SLC6A8: variants seen among roughly 807,000 people sequenced by gnomAD.
SLC6A8 encodes solute carrier family 6 member 8, also known as sodium- and chloride-dependent creatine transporter 1.
In SLC6A8, 6 loss-of-function variants were observed where a neutral mutation model predicts 48.3. That is an observed-to-expected ratio of 0.12 (90% CI 0.07 to 0.25). SLC6A8 has a LOEUF of 0.25. Ranked by LOEUF, SLC6A8 falls within the 10% of genes least tolerant of loss-of-function variation. The probability of loss-of-function intolerance (pLI) is 1.00; values close to 1 mark genes in which losing one functional copy is unlikely to be tolerated. For synonymous variants in SLC6A8, 245 were observed against 244.0 expected, an observed-to-expected ratio of 1.00 and a Z score of -0.04; for missense variants, 260 against 551.5, an observed-to-expected ratio of 0.47 and a Z score of 5.29.
chrX:153,692,827 C>A lies in SLC6A8; in HGVS notation c.778-214C>A, dbSNP rs782378020. ...TGCTCCCCACCGACACGCGTCCCTG[C>A]AGACAAACGAGGCGCCCAGGGAGCT... On this transcript the variant is annotated intron_variant, in intron 4 of 12. Coordinates refer to ENST00000253122, the MANE Select transcript of SLC6A8 (RefSeq NM_005629.4). The A allele has an allele frequency of 2.2e-4, 110 of 502,897 alleles. No individual in the cohort carries two copies. The African/African-American group carries it at 2.4e-3, about 11-fold the overall frequency. 41.4% of individuals were successfully genotyped at this position (502,897 alleles called of 1,213,427 possible).
At chrX:153,693,807 C>A in intron 7 of SLC6A8, 98 bp from the exon 8 acceptor site, 4 of 824,737 alleles carry the variant, frequency 4.9e-6, no homozygotes, top group Non-Finnish European at 7.1e-6. Context: ...GCCTCTGAGG[C>A]AGGCGTGGGC....
rs1557045032 is a variant in SLC6A8 at position 153,693,243 on chromosome X, G to A, written c.913-20G>A. On this transcript the variant is annotated intron_variant, in intron 5 of 12. Transcript: ENST00000253122. ...AGCCCTGCAGGCCCCTCATGCCTGC[G>A]CTCTCCGGCCCTTCTCTAGGTGTGG... The A allele has an allele frequency of 1.2e-5, 14 of 1,206,269 alleles. No individual in the cohort carries two copies. The highest frequency in any genetic ancestry group is 5.2e-5 in the African/African-American group (3 of 57,407).
intron 4 of SLC6A8, chrX:153,692,629 C>T (rs2091462411): frequency 5.8e-6 from 2 of 342,507 alleles, no homozygotes; most frequent in Non-Finnish European, 1.1e-5. Context: ...CCACTCTCCA[C>T]CTGCTCAACC....
Position 153,695,294 on chromosome X carries a change from C to T in SLC6A8, c.*80C>T, listed in dbSNP as rs1232170287. On this transcript the variant is annotated 3_prime_UTR_variant, in exon 13 of 13. Transcript: ENST00000253122. ...AGCCCCACCGCACCCCTCCAGGGGG[C>T]CTGCCTTTCCCTGACACTTTTGGGG... The T allele has an allele frequency of 1.0e-6, 1 of 1,003,618 alleles. No homozygotes were observed. The highest frequency in any genetic ancestry group is 1.9e-5 in the African/African-American group (1 of 52,813). The allele number at this position is 1,003,618 out of a possible 1,213,427, so 82.7% of individuals were successfully genotyped here. A position where few individuals can be genotyped will look rare whatever the true frequency, so the allele number is the denominator to read the frequency against.
At chrX:153,690,785 TA>T (rs1557044254) in intron 2 of SLC6A8, 1 of 345,657 alleles carries the variant, frequency 2.9e-6, no homozygotes, top group African/African-American at 2.6e-5. Context: ...AGGTAGGTCC[TA>T]CTGTTACTAT....
intron 4 of SLC6A8, 71 bp from the exon 5 acceptor site, chrX:153,692,970 C>T (rs1557044908): frequency 1.7e-6 from 2 of 1,171,620 alleles, no homozygotes; most frequent in Non-Finnish European, 2.3e-6. Flanking sequence ...GCAAGGGGGA[C>T]CGGAGGCGCT....
At position 153,695,467 on chromosome X, in the gene SLC6A8, C is replaced by T. The variant is rs1348323594; in HGVS notation, c.*253C>T. The stretch of plus-strand genomic sequence containing the variant: ...CTAGCCGAGCTGGTCCTAGGCCCCG[C>T]CTAGTGCCCCACCCCCACCCACAGT... On this transcript the variant is annotated 3_prime_UTR_variant, in exon 13 of 13. Coordinates refer to ENST00000253122, the MANE Select transcript of SLC6A8 (RefSeq NM_005629.4). 9.9e-6 allele frequency: 4 copies of T among 404,977 alleles called. No homozygotes were observed. Among genetic ancestry groups the T allele is most frequent in the Non-Finnish European group, 1.7e-5 (4 of 229,073 alleles). The allele number at this position is 404,977 out of a possible 1,213,427, so 33.4% of individuals were successfully genotyped here.
At chrX:153,694,660 G>A in intron 11 of SLC6A8, 27 bp downstream of exon 11, 1 of 1,196,370 alleles carries the variant, frequency 8.4e-7, no homozygotes, top group Non-Finnish European at 1.1e-6. Flanking sequence ...GTGGGGCAGG[G>A]CGGGGGGCGA....
chrX:153,693,714 C>T (rs2091470608), intron 7 of SLC6A8, 128 bp downstream of exon 7: 1 of 887,297 alleles, frequency 1.1e-6, no homozygotes, highest in African/African-American at 1.9e-5. Flanking sequence ...GATTGTGGGC[C>T]TGTGGGGGCA....
intron 2 of SLC6A8, chrX:153,690,765 T>C: frequency 2.6e-6 from 1 of 379,666 alleles, no homozygotes. Context: ...AGCAGCACCC[T>C]TGGCTCTCTA....
chrX:153,694,034 G>A lies in SLC6A8; in HGVS notation c.1254+17G>A. 1 of 1,180,813 alleles carries A rather than the reference G, an allele frequency of 8.5e-7. No individual in the cohort carries two copies. The highest frequency in any genetic ancestry group is 1.1e-6 in the Non-Finnish European group (1 of 874,666). ...GACAGCCAGGTTTGCATGGGGCTCT[G>A]GGACAGGGAGCCAGGAGGGGGGCGG... On this transcript the variant is annotated intron_variant, in intron 8 of 12. Coordinates refer to ENST00000253122, the MANE Select transcript of SLC6A8 (RefSeq NM_005629.4).
intron 2 of SLC6A8, 79 bp from the exon 3 acceptor site, chrX:153,691,225 G>T: frequency 9.1e-7 from 1 of 1,098,751 alleles, no homozygotes; most frequent in Non-Finnish European, 1.2e-6. Flanking sequence ...AGCACGGCCA[G>T]CCTGGGTGGG....
intron 2 of SLC6A8, 70 bp from the exon 3 acceptor site, chrX:153,691,234 G>A: frequency 8.9e-7 from 1 of 1,118,531 alleles, no homozygotes; most frequent in Non-Finnish European, 1.2e-6. Flanking sequence ...AGCCTGGGTG[G>A]GGACATAAAG....
chrX:153,694,987 C>A (rs1272817536), intron 12 of SLC6A8, 87 bp from the exon 13 acceptor site: 4 of 1,106,113 alleles, frequency 3.6e-6, no homozygotes, highest in Non-Finnish European at 4.8e-6. Context: ...GGGTGGCAGG[C>A]AGTGGGAACC....
Position 153,695,288 on chromosome X carries a change from A to G in SLC6A8, c.*74A>G. On this transcript the variant is annotated 3_prime_UTR_variant, in exon 13 of 13. Coordinates refer to ENST00000253122, the MANE Select transcript of SLC6A8 (RefSeq NM_005629.4). The stretch of plus-strand genomic sequence containing the variant: ...TGCTTCAGCCCCACCGCACCCCTCC[A>G]GGGGGCCTGCCTTTCCCTGACACTT... 1.9e-6 allele frequency: 2 copies of G among 1,063,067 alleles called. No individual in the cohort carries two copies. 87.6% of individuals were successfully genotyped at this position (1,063,067 alleles called of 1,213,427 possible). A position where few individuals can be genotyped will look rare whatever the true frequency, so the allele number is the denominator to read the frequency against.
intron 1 of SLC6A8, among the ~76,000 whole-genome samples, chrX:153,689,826 G>A (rs1323967078): frequency 1.8e-5 from 2 of 111,688 alleles, no homozygotes; most frequent in African/African-American, 6.5e-5. Context: ...CCCCTCTTCC[G>A]CACCTGTATC....
In SLC6A8 at chrX:153,694,388, C is replaced by T. The variant is rs140115896; in HGVS notation, c.1437C>T (p.Ser479=). The change falls in exon 10 of 13, where the codon AGC becomes AGT. Residue 479 remains serine, a synonymous_variant. Coordinates refer to ENST00000253122, the MANE Select transcript of SLC6A8 (RefSeq NM_005629.4). The part of the protein sequence containing the change: ...VFQLFDYYSA[S]GTTLLWQAFW... ...AGCTGTTTGACTACTACTCGGCCAG[C>T]GGCACCACCCTGCTCTGGCAGGCCT... is the stretch of plus-strand genomic sequence containing the variant. The T allele has an allele frequency of 8.9e-4, 1,081 of 1,208,861 alleles. 2 individuals carry two copies. In the African/African-American group the frequency reaches 0.012, roughly 13 times the overall value.
rs1456582785 is a variant in SLC6A8 at position 153,693,190 on chromosome X, G to A, written c.912+15G>A. The A allele has an allele frequency of 1.9e-5, 23 of 1,209,995 alleles. No individual in the cohort carries two copies. The African/African-American group carries it at 3.5e-4, about 18-fold the overall frequency. ...GGTCCCCTCAGGTGAGGTGGAGGTG[G>A]AGAGGCTGCAGCAGGGCGCTGCGGG... On this transcript the variant is annotated intron_variant, in intron 5 of 12. Transcript: ENST00000253122.
At position 153,696,053 on chromosome X, in the gene SLC6A8, C is replaced by G. The variant is rs1206211281; in HGVS notation, c.*839C>G. The stretch of plus-strand genomic sequence containing the variant: ...CCCTACCTTACCCCTCTGCCCCTAG[C>G]CAAGGAGTGTGAATTTATAGATCTA... On this transcript the variant is annotated 3_prime_UTR_variant, in exon 13 of 13. Coordinates refer to ENST00000253122, the MANE Select transcript of SLC6A8 (RefSeq NM_005629.4). 5.9e-6 allele frequency: 1 copy of G among 168,756 alleles called. No homozygotes were observed. Among genetic ancestry groups the G allele is most frequent in the Non-Finnish European group, 1.1e-5 (1 of 89,436 alleles). The allele number at this position is 168,756 out of a possible 1,213,427, so 13.9% of individuals were successfully genotyped here.
Sources: allele counts gnomAD v4.1 joint callset (sites outside exome capture counted in the v4.1 genomes callset), GRCh38; gene constraint gnomAD v4.1.1; transcripts MANE v1.5; gene names NCBI Gene and HGNC (gene_info 2026-07-23, HGNC 2026-07-21).